Variants in KIRREL3 observed in about 807,000 individuals in gnomAD.
KIRREL3 encodes the protein kirre like nephrin family adhesion molecule 3, also known as kin of IRRE-like protein 3.
In KIRREL3, 36 loss-of-function variants were observed where a neutral mutation model predicts 89.7. The ratio of observed to expected loss-of-function variants is 0.40; its 90% CI spans 0.31 to 0.53. KIRREL3 has a LOEUF of 0.53. KIRREL3 is among the 20% of genes least tolerant of loss of function. The pLI, the probability that KIRREL3 is intolerant of heterozygous loss-of-function variation, is 0.49. For synonymous variants in KIRREL3, 445 were observed against 441.4 expected (o/e 1.01, Z -0.10); for missense variants, 864 against 1,056.6 (o/e 0.82, Z 2.53).
chr11:126,840,077 T>A (rs936736971), intron 1 of KIRREL3, among the ~76,000 whole-genome samples: 1 of 152,204 alleles, frequency 6.6e-6, no homozygotes, highest in African/African-American at 2.4e-5. Flanking sequence ...ATAAGATTCA[T>A]TATGGAAATT....
Position 126,528,323 on chromosome 11 carries a change from C to T in KIRREL3, c.134-1636G>A, listed in dbSNP as rs1047439650. Among the ~76,000 whole-genome samples, 2 of 152,234 alleles carry T rather than the reference C, an allele frequency of 1.3e-5. No homozygotes were observed. The highest frequency in any genetic ancestry group is 2.9e-5 in the Non-Finnish European group (2 of 68,050). On this transcript the variant is annotated intron_variant, in intron 2 of 16. Coordinates refer to ENST00000525144, the MANE Select transcript of KIRREL3 (RefSeq NM_032531.4). This position sits in a 1 kb window ranked among gnomAD's most constrained non-coding sequence, Gnocchi z 4.6. Reference sequence around the variant, plus strand: ...CAAAAAGCCCCAGGCTTGGGCCACACCTAGGACTGAGCTCTCAGCAACAGA... The same window carrying T: ...CAAAAAGCCCCAGGCTTGGGCCACATCTAGGACTGAGCTCTCAGCAACAGA...
chr11:126,599,495 A>T (rs1942550305), intron 1 of KIRREL3, among the ~76,000 whole-genome samples: 1 of 151,820 alleles, frequency 6.6e-6, no homozygotes, highest in African/African-American at 2.4e-5. Context: ...TCTCTGCTTC[A>T]CCCCCTTTCT....
rs1383816025 is a variant in KIRREL3, at chr11:126,948,544, A to G, written c.55+51911T>C. Among the ~76,000 whole-genome samples the G allele has an allele frequency of 3.3e-5, 5 of 152,200 alleles. No homozygotes were observed. Among genetic ancestry groups the G allele is most frequent in the Non-Finnish European group, 7.3e-5 (5 of 68,034 alleles). On this transcript the variant is annotated intron_variant, in intron 1 of 16. Transcript: ENST00000525144. The surrounding 1 kb of genome is among the most constrained non-coding windows in gnomAD (Gnocchi z 4.5). ...CCAGGGTTATGAGATCAAGAAAACT[A>G]TGAGGGATTTTAGGCTTCCCAAAAA...
intron 2 of KIRREL3, among the ~76,000 whole-genome samples, chr11:126,542,956 C>A (rs1365743627): frequency 6.6e-6 from 1 of 152,190 alleles, no homozygotes; most frequent in African/African-American, 2.4e-5. Context: ...CGATACAAAG[C>A]ACTTCACATA....
At chr11:126,938,339 A>T (rs1948294834) in intron 1 of KIRREL3, among the ~76,000 whole-genome samples, 1 of 152,204 alleles carries the variant, frequency 6.6e-6, no homozygotes, top group Non-Finnish European at 1.5e-5. Flanking sequence ...GGCTCTAATG[A>T]CACTGGGCAC....
Position 126,704,100 on chromosome 11 carries a change from A to G in KIRREL3, c.56-141188T>C, listed in dbSNP as rs1000564715. Among the ~76,000 whole-genome samples the G allele has an allele frequency of 6.6e-6, 1 of 152,324 alleles. No homozygotes were observed. Among genetic ancestry groups the G allele is most frequent in the East Asian group, 1.9e-4 (1 of 5,190 alleles). Reference sequence around the variant, plus strand: ...TAACTATATTCACACATAGACACATATTACAACTTGAACTTAGCACCTGCT... The same window carrying G: ...TAACTATATTCACACATAGACACATGTTACAACTTGAACTTAGCACCTGCT... On this transcript the variant is annotated intron_variant, in intron 1 of 16. Transcript: ENST00000525144. This position sits in a 1 kb window ranked among gnomAD's most constrained non-coding sequence, Gnocchi z 4.2.
chr11:126,433,004 G>A (rs1448393793), intron 13 of KIRREL3, among the ~76,000 whole-genome samples: 3 of 152,264 alleles, frequency 2.0e-5, no homozygotes, highest in African/African-American at 7.2e-5. Flanking sequence ...TCAGTCTCCC[G>A]AATAGCTGGG....
rs574367306 is a variant in KIRREL3 at position 126,900,735 on chromosome 11, C to A, written c.55+99720G>T. 6.6e-6 allele frequency among the ~76,000 whole-genome samples: 1 copy of A among 152,220 alleles called. No individual in the cohort carries two copies. The highest frequency in any genetic ancestry group is 1.9e-4 in the East Asian group (1 of 5,182). On this transcript the variant is annotated intron_variant, in intron 1 of 16. Coordinates refer to ENST00000525144, the MANE Select transcript of KIRREL3 (RefSeq NM_032531.4). This position sits in a 1 kb window ranked among gnomAD's most constrained non-coding sequence, Gnocchi z 4.4. ...CCTGTAATGATATTTAAGTGATGGG[C>A]AAGGGTATCAATGGTTCAGGCAAAG... is the stretch of plus-strand genomic sequence containing the variant.
rs1948669381 is a variant in KIRREL3 at position 126,948,075 on chromosome 11, A to G, written c.55+52380T>C. ...AAGAGATGTTAAATACAAATTGTTC[A>G]TTAAAATACATATTATTGGATGTTA... On this transcript the variant is annotated intron_variant, in intron 1 of 16. Transcript: ENST00000525144. The surrounding 1 kb of genome is among the most constrained non-coding windows in gnomAD (Gnocchi z 4.5). 2.6e-5 allele frequency among the ~76,000 whole-genome samples: 4 copies of G among 152,248 alleles called. No individual in the cohort carries two copies. The highest frequency in any genetic ancestry group is 2.6e-4 in the Admixed American group (4 of 15,290).
chr11:126,978,245 T>G lies in KIRREL3; in HGVS notation c.55+22210A>C, dbSNP rs190430489. Among the ~76,000 whole-genome samples the G allele has an allele frequency of 1.8e-4, 28 of 152,340 alleles. No individual in the cohort carries two copies. The East Asian group carries it at 4.1e-3, about 22-fold the overall frequency. ...CTTCTCCAACATTTTCTTTGAAAGG[T>G]GACCCTGCTCCACTTCCTCTACCAA... is the stretch of plus-strand genomic sequence containing the variant. On this transcript the variant is annotated intron_variant, in intron 1 of 16. Transcript: ENST00000525144. The surrounding 1 kb of genome is among the most constrained non-coding windows in gnomAD (Gnocchi z 4.2).
At chr11:126,721,310 C>T (rs1948161018) in intron 1 of KIRREL3, among the ~76,000 whole-genome samples, 1 of 152,094 alleles carries the variant, frequency 6.6e-6, no homozygotes, top group Non-Finnish European at 1.5e-5. Context: ...GTGGATGGAT[C>T]ATCTGAGGTC....
At chr11:126,711,569 C>A (rs371829560) in intron 1 of KIRREL3, among the ~76,000 whole-genome samples, 4 of 152,090 alleles carry the variant, frequency 2.6e-5, no homozygotes, top group African/African-American at 4.8e-5. Context: ...CTCAAAAAAA[C>A]CCAAAAAACA....
chr11:126,478,676 T>C (rs528426957), intron 4 of KIRREL3, among the ~76,000 whole-genome samples: 15 of 152,288 alleles, frequency 9.8e-5, no homozygotes, highest in Admixed American at 4.6e-4. Context: ...TATGTATGTG[T>C]ATGTATGTGC....
intron 1 of KIRREL3, among the ~76,000 whole-genome samples, chr11:126,588,808 T>G (rs1941995859): frequency 6.6e-6 from 1 of 152,186 alleles, no homozygotes; most frequent in Admixed American, 6.5e-5. Context: ...TCAGGAAATA[T>G]ACGTCAAATG....
chr11:126,645,453 G>C lies in KIRREL3; in HGVS notation c.56-82541C>G, dbSNP rs1377418019. On this transcript the variant is annotated intron_variant, in intron 1 of 16. Coordinates refer to ENST00000525144, the MANE Select transcript of KIRREL3 (RefSeq NM_032531.4). This position sits in a 1 kb window ranked among gnomAD's most constrained non-coding sequence, Gnocchi z 4.9. ...TCTCCGCAGCCTCTCAGGCTACAGG[G>C]TACCCTGCATTATGCAGACTGAGAG... Among the ~76,000 whole-genome samples the C allele has an allele frequency of 6.6e-6, 1 of 152,100 alleles. No homozygotes were observed. The highest frequency in any genetic ancestry group is 1.5e-5 in the Non-Finnish European group (1 of 68,020).
At chr11:126,602,608 A>ATC (rs1448658793) in intron 1 of KIRREL3, among the ~76,000 whole-genome samples, 3 of 152,014 alleles carry the variant, frequency 2.0e-5, no homozygotes, top group Non-Finnish European at 4.4e-5. Flanking sequence ...AACGCCTCTG[A>ATC]TCTCTCCCGT....
At position 126,867,275 on chromosome 11, in the gene KIRREL3, T is replaced by C. The variant is rs1472711365; in HGVS notation, c.55+133180A>G. Among the ~76,000 whole-genome samples the C allele has an allele frequency of 2.6e-5, 4 of 152,246 alleles. No homozygotes were observed. Among genetic ancestry groups the C allele is most frequent in the Admixed American group, 6.5e-5 (1 of 15,290 alleles). ...GATAAAGGAAATTCTCCCGTTTCAA[T>C]AGCAGGTCTTCAGGACCTGTGCTGG... On this transcript the variant is annotated intron_variant, in intron 1 of 16. Coordinates refer to ENST00000525144, the MANE Select transcript of KIRREL3 (RefSeq NM_032531.4). This position sits in a 1 kb window ranked among gnomAD's most constrained non-coding sequence, Gnocchi z 4.7.
chr11:126,709,393 A>G lies in KIRREL3; in HGVS notation c.56-146481T>C, dbSNP rs1336168757. Among the ~76,000 whole-genome samples the G allele has an allele frequency of 6.6e-5, 10 of 152,196 alleles. No individual in the cohort carries two copies. The highest frequency in any genetic ancestry group is 2.4e-4 in the African/African-American group (10 of 41,442). On this transcript the variant is annotated intron_variant, in intron 1 of 16. Transcript: ENST00000525144. This position sits in a 1 kb window ranked among gnomAD's most constrained non-coding sequence, Gnocchi z 4.0. ...CGGGCAGAAGATGCAGCCAAACAGG[A>G]AAGACAGAGTTCACACCTAACTGGC...
chr11:126,502,917 G>A (rs1408320924), intron 4 of KIRREL3, among the ~76,000 whole-genome samples: 1 of 152,168 alleles, frequency 6.6e-6, no homozygotes, highest in African/African-American at 2.4e-5. Context: ...ATTTACAGGT[G>A]GCAAGGAGGT....
Sources: gnomAD v4.1 joint callset for allele counts (sites outside exome capture counted in the v4.1 genomes callset) on GRCh38, gnomAD v4.1.1 for gene constraint, Gnocchi (gnomAD v3.1) non-coding constraint, MANE v1.5 for transcripts, NCBI Gene and HGNC (gene_info 2026-07-23, HGNC 2026-07-21) for gene names.